SGCZ: variants seen among roughly 807,000 people sequenced by gnomAD.
SGCZ encodes the protein sarcoglycan zeta, also known as zeta-sarcoglycan.
SGCZ carries 40 observed loss-of-function variants against 41.3 expected under a neutral mutation model. The ratio of observed to expected loss-of-function variants is 0.97; its 90% CI spans 0.75 to 1.26. The LOEUF is 1.26. Among genes scored for constraint, SGCZ ranks in the 50% most tolerant of loss-of-function variants. SGCZ has a pLI of 0.00. For synonymous variants in SGCZ, 206 were observed against 137.5 expected (o/e 1.50, Z -3.49); for missense variants, 552 against 369.8 (o/e 1.49, Z -4.04).
chr8:14,118,802 C>A (rs192652587), intron 5 of SGCZ, among the ~76,000 whole-genome samples: 52 of 152,302 alleles, frequency 3.4e-4, no homozygotes, highest in South Asian at 4.1e-4. Flanking sequence ...TTCCCAACAG[C>A]ATTTATTAAA....
At chr8:15,149,434 G>C (rs973566234) in intron 1 of SGCZ, among the ~76,000 whole-genome samples, 1 of 152,100 alleles carries the variant, frequency 6.6e-6, no homozygotes, top group Non-Finnish European at 1.5e-5. Context: ...TACCAGTTCA[G>C]CAGTGGCAAG....
chr8:14,809,332 G>A (rs1188934368), intron 1 of SGCZ, among the ~76,000 whole-genome samples: 3 of 152,104 alleles, frequency 2.0e-5, no homozygotes, highest in Non-Finnish European at 4.4e-5. Flanking sequence ...AGATATGCCA[G>A]GATCATGATG....
At chr8:14,096,182 G>A (rs376591250) in intron 7 of SGCZ, among the ~76,000 whole-genome samples, 3 of 152,080 alleles carry the variant, frequency 2.0e-5, no homozygotes, top group Non-Finnish European at 4.4e-5. Flanking sequence ...TCTTGTGCCA[G>A]TTTTCAAAGG....
At chr8:14,097,720 T>C (rs1343328012) in intron 7 of SGCZ, among the ~76,000 whole-genome samples, 1 of 152,080 alleles carries the variant, frequency 6.6e-6, no homozygotes, top group Non-Finnish European at 1.5e-5. Context: ...TGTGTGGGAG[T>C]CTAGGTCTCT....
chr8:14,426,855 A>C (rs118045334), intron 2 of SGCZ, among the ~76,000 whole-genome samples: 2,352 of 152,294 alleles, frequency 0.015, 31 homozygotes, highest in Middle Eastern at 0.031. Context: ...TGGATCAAAA[A>C]AGAATGGAAA....
At chr8:14,108,594 GA>G (rs1356092291) in intron 5 of SGCZ, among the ~76,000 whole-genome samples, 1 of 151,914 alleles carries the variant, frequency 6.6e-6, no homozygotes, top group African/African-American at 2.4e-5. Context: ...CATTATGGGG[GA>G]AACCACCTCC....
chr8:14,706,526 T>G (rs1809337388), intron 1 of SGCZ, among the ~76,000 whole-genome samples: 1 of 152,140 alleles, frequency 6.6e-6, no homozygotes, highest in Non-Finnish European at 1.5e-5. Flanking sequence ...CATTTCATAT[T>G]CTTAATAGCC....
At chr8:14,824,622 C>A (rs1171820246) in intron 1 of SGCZ, among the ~76,000 whole-genome samples, 1 of 151,944 alleles carries the variant, frequency 6.6e-6, no homozygotes, top group African/African-American at 2.4e-5. Context: ...GACCAAGAAC[C>A]TGCCTTTACA....
chr8:14,551,838 G>C (rs973489300), intron 2 of SGCZ, among the ~76,000 whole-genome samples: 23 of 149,590 alleles, frequency 1.5e-4, no homozygotes, highest in Non-Finnish European at 2.4e-4. Context: ...AAAAACACAA[G>C]GGCATATCAA....
chr8:14,331,996 A>T (rs190173927), intron 2 of SGCZ, among the ~76,000 whole-genome samples: 1 of 152,046 alleles, frequency 6.6e-6, no homozygotes, highest in Non-Finnish European at 1.5e-5. Flanking sequence ...ATTTATGAAT[A>T]AATATAAATA....
chr8:14,421,186 A>G (rs1281087824), intron 2 of SGCZ, among the ~76,000 whole-genome samples: 2 of 152,032 alleles, frequency 1.3e-5, no homozygotes, highest in African/African-American at 4.8e-5. Flanking sequence ...TTGTACATGG[A>G]ATTGTATCAT....
At chr8:14,231,783 C>A (rs1033975297) in intron 4 of SGCZ, among the ~76,000 whole-genome samples, 1 of 152,072 alleles carries the variant, frequency 6.6e-6, no homozygotes, top group African/African-American at 2.4e-5. Context: ...TTATTCAGCA[C>A]ATGTGAGAAA....
chr8:14,485,361 C>T (rs567191010), intron 2 of SGCZ, among the ~76,000 whole-genome samples: 19 of 152,086 alleles, frequency 1.2e-4, no homozygotes, highest in African/African-American at 2.7e-4. Context: ...CTCAGCCTCC[C>T]GAGTAGCTGG....
intron 1 of SGCZ, among the ~76,000 whole-genome samples, chr8:14,562,712 G>C (rs1187010474): frequency 6.6e-5 from 10 of 152,002 alleles, no homozygotes; most frequent in Non-Finnish European, 1.3e-4. Context: ...GAGAGATAAA[G>C]AAAATCCAAT....
chr8:14,344,219 T>C (rs11997612), intron 2 of SGCZ, among the ~76,000 whole-genome samples: 10,037 of 152,038 alleles, frequency 0.066, 591 homozygotes, highest in African/African-American at 0.15. Context: ...AGGAGACCAG[T>C]AGACCTTAGA....
chr8:15,143,646 G>C (rs375356484), intron 1 of SGCZ, among the ~76,000 whole-genome samples: 1 of 152,160 alleles, frequency 6.6e-6, no homozygotes, highest in South Asian at 2.1e-4. Flanking sequence ...CACTATGTCT[G>C]ACACTAGGAG....
intron 1 of SGCZ, among the ~76,000 whole-genome samples, chr8:14,788,381 G>A (rs1184567117): frequency 1.3e-5 from 2 of 152,154 alleles, no homozygotes; most frequent in Admixed American, 1.3e-4. Context: ...AGCCAATTAG[G>A]AGGAAGAAAA....
At chr8:14,758,702 T>G (rs1799764560) in intron 1 of SGCZ, among the ~76,000 whole-genome samples, 1 of 152,170 alleles carries the variant, frequency 6.6e-6, no homozygotes, top group Non-Finnish European at 1.5e-5. Flanking sequence ...TTTATTTCTT[T>G]ATTTTCTTAA....
chr8:15,077,361 A>C (rs1805573640), intron 1 of SGCZ, among the ~76,000 whole-genome samples: 1 of 152,368 alleles, frequency 6.6e-6, no homozygotes. Flanking sequence ...TTATTGCAGT[A>C]ATTTGGAGTG....
Sources: allele counts gnomAD v4.1 joint callset (sites outside exome capture counted in the v4.1 genomes callset), GRCh38; gene constraint gnomAD v4.1.1; transcripts MANE v1.5; gene names NCBI Gene and HGNC (gene_info 2026-07-23, HGNC 2026-07-21).